The following STK32C variants were observed in gnomAD, a reference collection of about 807,000 sequenced individuals.
STK32C encodes the protein serine/threonine kinase 32C, also known as serine/threonine-protein kinase 32C.
STK32C carries 31 observed loss-of-function variants against 56.5 expected under a neutral mutation model. The observed-to-expected ratio is 0.55, with a 90% CI of 0.41 to 0.74. STK32C has a LOEUF of 0.74. STK32C is among the 30% of genes least tolerant of loss of function. STK32C has a pLI of 0.00. For missense variants in STK32C, 544 were observed against 676.9 expected (o/e 0.80, Z 2.18); for synonymous variants, 309 against 289.4 (o/e 1.07, Z -0.69).
chr10:132,297,117 A>G (rs939531337), intron 1 of STK32C, among the ~76,000 whole-genome samples: 1 of 152,166 alleles, frequency 6.6e-6, no homozygotes, highest in Non-Finnish European at 1.5e-5. Flanking sequence ...GGTGACAGTC[A>G]CGGCTTAGGC....
rs191086558 is a variant in STK32C, at chr10:132,214,952, A to G, written c.1252-5851T>C. On this transcript the variant is annotated intron_variant, in intron 10 of 11. Transcript: ENST00000298630. ...AACCAGAAAAGGCAGAAAAATAGGG[A>G]AAAAGGAAGAACAATAAATAGACTA... Among the ~76,000 whole-genome samples, 636 of 152,372 alleles carry G rather than the reference A, an allele frequency of 4.2e-3. 2 individuals are homozygous for G. Among genetic ancestry groups the G allele is most frequent in the Non-Finnish European group, 7.7e-3 (526 of 68,038 alleles).
At chr10:132,210,516 G>A (rs2062257254) in intron 10 of STK32C, among the ~76,000 whole-genome samples, 1 of 152,232 alleles carries the variant, frequency 6.6e-6, no homozygotes, top group African/African-American at 2.4e-5. Flanking sequence ...CCAAAGTGCT[G>A]AGATTACAGG....
chr10:132,235,585 G>T (rs191338611), intron 2 of STK32C, among the ~76,000 whole-genome samples: 43 of 151,948 alleles, frequency 2.8e-4, no homozygotes, highest in Non-Finnish European at 2.5e-4. Context: ...CTAGAAGGAA[G>T]GAGAAGGCAG....
intron 1 of STK32C, among the ~76,000 whole-genome samples, chr10:132,315,545 TAAG>T (rs2066295449): frequency 6.6e-6 from 1 of 152,170 alleles, no homozygotes; most frequent in Non-Finnish European, 1.5e-5. Context: ...ATGCGCCTAA[TAAG>T]AAGACTTCAA....
chr10:132,308,931 G>C (rs1038202922), upstream of STK32C, among the ~76,000 whole-genome samples: 1 of 152,206 alleles, frequency 6.6e-6, no homozygotes. Context: ...TGTCACTGAA[G>C]AATCAGTTTT....
chr10:132,217,977 C>A (rs544908750), intron 10 of STK32C, among the ~76,000 whole-genome samples: 5 of 152,126 alleles, frequency 3.3e-5, no homozygotes, highest in Non-Finnish European at 7.4e-5. Flanking sequence ...TGGACTCAAG[C>A]AGTCCTCTTG....
intron 1 of STK32C, among the ~76,000 whole-genome samples, chr10:132,301,540 C>T (rs988531377): frequency 2.7e-4 from 41 of 152,286 alleles, no homozygotes; most frequent in African/African-American, 9.1e-4. Flanking sequence ...CTCGGGGACA[C>T]AGGATGCTCC....
At chr10:132,326,686 T>C (rs1023846404) in intron 1 of STK32C, among the ~76,000 whole-genome samples, 1 of 152,218 alleles carries the variant, frequency 6.6e-6, no homozygotes, top group African/African-American at 2.4e-5. Flanking sequence ...AGGAGTATCA[T>C]GAGGCACGCC....
chr10:132,227,758 T>C (rs1276596981), intron 3 of STK32C, among the ~76,000 whole-genome samples: 11 of 152,114 alleles, frequency 7.2e-5, no homozygotes. Flanking sequence ...GAAGAGACAC[T>C]GCATTAACCA....
At chr10:132,227,817 G>A (rs2062945994) in intron 3 of STK32C, among the ~76,000 whole-genome samples, 160 bp downstream of exon 3, 1 of 152,222 alleles carries the variant, frequency 6.6e-6, no homozygotes, top group African/African-American at 2.4e-5. Flanking sequence ...CTGGGGCACA[G>A]GAAGGGGGAT....
intron 1 of STK32C, among the ~76,000 whole-genome samples, chr10:132,326,480 C>T (rs924309109): frequency 3.3e-5 from 5 of 152,190 alleles, no homozygotes; most frequent in African/African-American, 1.2e-4. Context: ...TATGGGTGCA[C>T]GCCTGGCTAA....
chr10:132,227,767 C>T (rs977077825), intron 3 of STK32C, among the ~76,000 whole-genome samples: 1 of 152,132 alleles, frequency 6.6e-6, no homozygotes, highest in East Asian at 1.9e-4. Flanking sequence ...CTGCATTAAC[C>T]AACCCCAGCA....
intron 1 of STK32C, among the ~76,000 whole-genome samples, chr10:132,283,688 C>A (rs1211754292): frequency 2.0e-5 from 3 of 152,144 alleles, no homozygotes; most frequent in African/African-American, 7.2e-5. Flanking sequence ...GGAGAGGCCG[C>A]GGGCTGTCAT....
intron 1 of STK32C, among the ~76,000 whole-genome samples, chr10:132,303,314 A>C (rs1203452078): frequency 6.6e-6 from 1 of 152,264 alleles, no homozygotes; most frequent in Non-Finnish European, 1.5e-5. Flanking sequence ...GTGAAACCAC[A>C]GAAGCGCTAG....
intron 2 of STK32C, among the ~76,000 whole-genome samples, chr10:132,236,055 T>TG (rs541385943): frequency 8.7e-4 from 133 of 152,208 alleles, no homozygotes; most frequent in Non-Finnish European, 1.3e-3. Flanking sequence ...CGGGTGCTTG[T>TG]GGGGGGTCAC....
intron 3 of STK32C, among the ~76,000 whole-genome samples, chr10:132,227,495 T>C (rs1172054338): frequency 1.3e-5 from 2 of 151,878 alleles, no homozygotes; most frequent in Non-Finnish European, 2.9e-5. Context: ...GTGATAACAG[T>C]GATTGTGGTC....
chr10:132,303,410 G>A (rs571401577), intron 1 of STK32C, among the ~76,000 whole-genome samples: 100 of 152,356 alleles, frequency 6.6e-4, no homozygotes, highest in African/African-American at 2.1e-3. Context: ...AAGGCCGGAC[G>A]CAGCCACAAA....
At chr10:132,239,405 C>T (rs958999022) in intron 2 of STK32C, among the ~76,000 whole-genome samples, 1 of 152,234 alleles carries the variant, frequency 6.6e-6, no homozygotes, top group African/African-American at 2.4e-5. Context: ...CAGCAAAAAC[C>T]CAAACAAAGC....
intron 2 of STK32C, among the ~76,000 whole-genome samples, chr10:132,228,793 CCA>C (rs930408686): frequency 6.6e-6 from 1 of 152,252 alleles, no homozygotes; most frequent in Non-Finnish European, 1.5e-5. Context: ...ACTCCACACT[CCA>C]GAGACCGACT....
Sources: allele counts gnomAD v4.1 joint callset (sites outside exome capture counted in the v4.1 genomes callset), GRCh38; gene constraint gnomAD v4.1.1; transcripts MANE v1.5; gene names NCBI Gene and HGNC (gene_info 2026-07-23, HGNC 2026-07-21).